AMY2B: variants seen among roughly 807,000 people sequenced by gnomAD.
AMY2B encodes amylase alpha 2B.
Under a neutral mutation model 59.3 loss-of-function variants are expected in AMY2B, and 63 were observed. That is an observed-to-expected ratio of 1.06 (90% CI 0.87 to 1.31). The LOEUF (loss-of-function observed/expected upper bound fraction) is 1.31. AMY2B is among the 50% of genes most tolerant of loss of function. The pLI is 0.00. For missense variants in AMY2B, 635 were observed against 626.7 expected, an observed-to-expected ratio of 1.01 and a Z score of -0.14; for synonymous variants, 180 against 198.1, an observed-to-expected ratio of 0.91 and a Z score of 0.77.
At chr1:103,555,846 C>T (rs1276467232) in intron 1 of AMY2B, among the ~76,000 whole-genome samples, 1 of 152,018 alleles carries the variant, frequency 6.6e-6, no homozygotes, top group African/African-American at 2.4e-5. Flanking sequence ...GATGATATAG[C>T]AGGTTTGTAT....
chr1:103,558,442 A>G (rs1294519310), intron 1 of AMY2B, among the ~76,000 whole-genome samples: 1 of 152,226 alleles, frequency 6.6e-6, no homozygotes, highest in Middle Eastern at 3.2e-3. Flanking sequence ...AGAATAAATC[A>G]TAGGATCAGA....
intron 7 of AMY2B, among the ~76,000 whole-genome samples, chr1:103,576,895 A>T (rs1322352080): frequency 6.6e-6 from 1 of 152,162 alleles, no homozygotes; most frequent in African/African-American, 2.4e-5. Flanking sequence ...TCTGGTACTA[A>T]TGCCCTTCCC....
intron 1 of AMY2B, among the ~76,000 whole-genome samples, chr1:103,563,255 C>G (rs1557766290): frequency 6.6e-6 from 1 of 152,014 alleles, no homozygotes; most frequent in Non-Finnish European, 1.5e-5. Context: ...TCATTTGGCA[C>G]ATGATAGTAA....
chr1:103,571,973 C>T (rs2101072521), intron 1 of AMY2B, 137 bp from the exon 2 acceptor site: 4 of 1,541,994 alleles, frequency 2.6e-6, no homozygotes, highest in Non-Finnish European at 3.5e-6. Context: ...AAGAGCCCTC[C>T]AATGTGCTGT....
At chr1:103,557,659 GTA>G (rs1394573093) in intron 1 of AMY2B, among the ~76,000 whole-genome samples, 2 of 151,150 alleles carry the variant, frequency 1.3e-5, no homozygotes, top group African/African-American at 4.9e-5. Flanking sequence ...AAAAAAAAAA[GTA>G]TTTTACATAA....
At chr1:103,558,711 C>T (rs1290479952) in intron 1 of AMY2B, among the ~76,000 whole-genome samples, 3 of 149,678 alleles carry the variant, frequency 2.0e-5, no homozygotes, top group Non-Finnish European at 3.0e-5. Context: ...TGCAGTGAAC[C>T]GTGATTGCAT....
At chr1:103,571,900 G>GA (rs1652146840) in intron 1 of AMY2B, 130 bp downstream of exon 1, 1 of 1,580,780 alleles carries the variant, frequency 6.3e-7, no homozygotes, top group Non-Finnish European at 8.6e-7. Context: ...GTTTTCTGAG[G>GA]AAAAAACAAT....
intron 7 of AMY2B, among the ~76,000 whole-genome samples, chr1:103,576,922 A>C (rs1280002242): frequency 6.6e-6 from 1 of 152,160 alleles, no homozygotes; most frequent in African/African-American, 2.4e-5. Flanking sequence ...ATGACATTGC[A>C]TGGCTTACAG....
intron 1 of AMY2B, among the ~76,000 whole-genome samples, chr1:103,556,154 C>A (rs1328602992): frequency 6.6e-6 from 1 of 152,044 alleles, no homozygotes; most frequent in East Asian, 1.9e-4. Flanking sequence ...AAATGGGTAT[C>A]CAGGAATGTA....
intron 1 of AMY2B, among the ~76,000 whole-genome samples, chr1:103,555,750 A>G (rs540647223): frequency 6.6e-5 from 10 of 152,214 alleles, no homozygotes; most frequent in South Asian, 4.1e-4. Flanking sequence ...ATCGAAGACA[A>G]CTCTTAAAGA....
At position 103,573,262 on chromosome 1, in the gene AMY2B, T is replaced by G. The variant is rs1553196392; in HGVS notation, c.513+2T>G. On this transcript the variant is annotated splice_donor_variant, in intron 3 of 9. Transcript: ENST00000684275. LOFTEE classifies it high-confidence loss of function. ...GAGAACTACAATGATGCTACTCAGG[T>G]AAATTTTTTTATGAGAGTCATCTGA... The G allele has an allele frequency of 1.4e-5, 22 of 1,613,422 alleles. 1 individual carries two copies. Among genetic ancestry groups the G allele is most frequent in the Non-Finnish European group, 1.8e-5 (21 of 1,179,576 alleles).
chr1:103,557,681 A>AT (rs1483601814), intron 1 of AMY2B, among the ~76,000 whole-genome samples: 1 of 152,060 alleles, frequency 6.6e-6, no homozygotes, highest in African/African-American at 2.4e-5. Flanking sequence ...AGAAATTTTA[A>AT]TTTTTTGTAA....
chr1:103,564,124 G>A (rs1651827464), intron 1 of AMY2B, among the ~76,000 whole-genome samples: 1 of 152,110 alleles, frequency 6.6e-6, no homozygotes, highest in African/African-American at 2.4e-5. Flanking sequence ...CATACATTGG[G>A]ATAACAGCTT....
chr1:103,569,971 G>T, upstream of AMY2B: 1 of 464,254 alleles, frequency 2.2e-6, no homozygotes. Context: ...AGGCTAGGCT[G>T]TCCCTCTACA....
upstream of AMY2B, among the ~76,000 whole-genome samples, chr1:103,567,414 G>C (rs960275976): frequency 6.6e-6 from 1 of 152,164 alleles, no homozygotes; most frequent in African/African-American, 2.4e-5. Flanking sequence ...CTTCGTCAAA[G>C]CTGGTACTTC....
chr1:103,573,217 A>G lies in AMY2B; in HGVS notation c.470A>G (p.Lys157Arg). 2 of 1,613,732 alleles carry G rather than the reference A, an allele frequency of 1.2e-6. No homozygotes were observed. Among genetic ancestry groups the G allele is most frequent in the Non-Finnish European group, 1.7e-6 (2 of 1,179,688 alleles). ...SGWDFNDGKC[K>R]TGSGDIENYN... ...TGGGATTTTAATGATGGTAAATGTA[A>G]AACTGGAAGTGGAGATATCGAGAAC... Residue 157 changes from lysine (K) to arginine (R), a missense_variant, in exon 3 of 10, where the codon AAA becomes AGA. Transcript: ENST00000684275.
intron 2 of AMY2B, 66 bp downstream of exon 2, chr1:103,572,322 G>C: frequency 6.4e-7 from 1 of 1,561,924 alleles, no homozygotes; most frequent in Admixed American, 2.0e-5. Context: ...CTTCTTTCTT[G>C]CTCCTTTTCA....
In AMY2B at chr1:103,575,093, A is replaced by T. The variant is rs557036947; in HGVS notation, c.879-130A>T. 3.5e-4 allele frequency: 439 copies of T among 1,253,994 alleles called. 1 individual carries two copies. In the South Asian group the frequency reaches 6.1e-3, roughly 17 times the overall value. 77.7% of individuals were successfully genotyped at this position (1,253,994 alleles called of 1,614,324 possible). A position where few individuals can be genotyped will look rare whatever the true frequency, so the allele number is the denominator to read the frequency against. ...ATATATATATATATATATCTTACAG[A>T]ATAACCATTTAATTAGAGAAAGAAT... On this transcript the variant is annotated intron_variant, in intron 5 of 9. Transcript: ENST00000684275.
In AMY2B at chr1:103,571,769, A is replaced by G. The variant is rs183295360; in HGVS notation, c.167A>G (p.Gln56Arg). The G allele has an allele frequency of 8.1e-6, 13 of 1,611,966 alleles. No individual in the cohort carries two copies. The African/African-American group carries it at 1.1e-4, about 13-fold the overall frequency. The change falls in exon 1 of 10, where the codon CAG (glutamine) becomes CGG (arginine). Residue 56 changes from glutamine (Q) to arginine (R), a missense_variant and splice_region_variant. Transcript: ENST00000684275. ...GCTCCCAAGGGATTTGGAGGGGTTC[A>G]GGTGGGTATGATTCATAGTATCAAT... is the stretch of plus-strand genomic sequence containing the variant. ...YLAPKGFGGV[Q>R]VSPPNENVAI...
Sources: gnomAD v4.1 joint callset for allele counts (sites outside exome capture counted in the v4.1 genomes callset) on GRCh38, gnomAD v4.1.1 for gene constraint, MANE v1.5 for transcripts, NCBI Gene and HGNC (gene_info 2026-07-23, HGNC 2026-07-21) for gene names.